Variants in MAP2K3 observed in about 807,000 individuals in gnomAD.
MAP2K3 encodes mitogen-activated protein kinase kinase 3.
MAP2K3 carries 30 observed loss-of-function variants against 46.4 expected under a neutral mutation model. The ratio of observed to expected loss-of-function variants is 0.65; its 90% CI spans 0.48 to 0.88. The LOEUF (loss-of-function observed/expected upper bound fraction) is 0.88, where lower values mean the gene tolerates loss of function less well. Ranked by LOEUF, MAP2K3 falls within the 40% of genes least tolerant of loss-of-function variation. MAP2K3 has a pLI of 0.00. For synonymous variants in MAP2K3, 189 were observed against 176.3 expected (o/e 1.07, Z -0.57); for missense variants, 380 against 464.5 (o/e 0.82, Z 1.67).
rs539391256 is a variant in MAP2K3 at position 21,284,838 on chromosome 17, C to T, written c.-83C>T. 2.7e-4 allele frequency: 408 copies of T among 1,485,592 alleles called. 6 individuals carry two copies. The East Asian group carries it at 0.01, about 38-fold the overall frequency. The allele number at this position is 1,485,592 out of a possible 1,614,324, so 92.0% of individuals were successfully genotyped here. A position where few individuals can be genotyped will look rare whatever the true frequency, so the allele number is the denominator to read the frequency against. On this transcript the variant is annotated 5_prime_UTR_variant, in exon 1 of 12. Coordinates refer to ENST00000342679, the MANE Select transcript of MAP2K3 (RefSeq NM_145109.3). ...CTCCGCCTGGCCTGGGCCGTCTGCC[C>T]GCAGCCATGAGCGTGCTCGGCCCCG...
intron 9 of MAP2K3, 191 bp from the exon 10 acceptor site, chr17:21,311,951 G>A (rs62055360): frequency 1.5e-5 from 8 of 522,438 alleles, no homozygotes; most frequent in Admixed American, 4.3e-5. Flanking sequence ...TGGCTGGGTC[G>A]GAGGAGCTAA....
At chr17:21,303,062 A>T in intron 6 of MAP2K3, 121 bp from the exon 7 acceptor site, 1 of 1,325,392 alleles carries the variant, frequency 7.5e-7, no homozygotes. Flanking sequence ...GAGGGTGCGT[A>T]GCCTGTGCAG....
intron 4 of MAP2K3, 56 bp from the exon 5 acceptor site, chr17:21,300,818 A>C: frequency 6.2e-7 from 1 of 1,613,236 alleles, no homozygotes; most frequent in South Asian, 1.1e-5. Context: ...TCCTGTCATG[A>C]GTGTGGGTGT....
At chr17:21,298,729 C>G in intron 2 of MAP2K3, 149 bp from the exon 3 acceptor site, 1 of 1,231,322 alleles carries the variant, frequency 8.1e-7, no homozygotes, top group Non-Finnish European at 1.2e-6. Flanking sequence ...AGATGCTCAG[C>G]AGCCAGTGAG....
rs1018871443 is a variant in MAP2K3 at position 21,295,548 on chromosome 17, G to A, written c.50-2865G>A. 2.2e-5 allele frequency: 27 copies of A among 1,234,048 alleles called. No homozygotes were observed. In the East Asian group the frequency reaches 4.6e-4, roughly 21 times the overall value. 76.4% of individuals were successfully genotyped at this position (1,234,048 alleles called of 1,614,324 possible). Reference sequence around the variant, plus strand: ...CTGGCCATCTGGGCCCAGCTCTGACGTCTGCAGCAGCCTGAGGCCTGTTTC... The same window carrying A: ...CTGGCCATCTGGGCCCAGCTCTGACATCTGCAGCAGCCTGAGGCCTGTTTC... On this transcript the variant is annotated intron_variant, in intron 1 of 11. Coordinates refer to ENST00000342679, the MANE Select transcript of MAP2K3 (RefSeq NM_145109.3).
intron 9 of MAP2K3, among the ~76,000 whole-genome samples, chr17:21,306,380 C>CG (rs2066485911): frequency 6.6e-6 from 1 of 152,174 alleles, no homozygotes; most frequent in South Asian, 2.1e-4. Context: ...AAGAGACTCA[C>CG]GGGGGAGGGG....
intron 5 of MAP2K3, 43 bp from the exon 6 acceptor site, chr17:21,302,100 G>T (rs769993339): frequency 1.2e-6 from 2 of 1,604,388 alleles, no homozygotes; most frequent in Admixed American, 3.3e-5. Flanking sequence ...GTGCAGACAC[G>T]GGCAGCCCGG....
At chr17:21,312,721 C>T (rs1597507399) in intron 10 of MAP2K3, among the ~76,000 whole-genome samples, 1 of 151,938 alleles carries the variant, frequency 6.6e-6, no homozygotes, top group African/African-American at 2.4e-5. Context: ...TTGAGACCAG[C>T]CTGACCAACA....
intron 1 of MAP2K3, among the ~76,000 whole-genome samples, chr17:21,297,486 G>C (rs1004825378): frequency 6.6e-6 from 1 of 152,308 alleles, no homozygotes; most frequent in African/African-American, 2.4e-5. Context: ...GTCACTCCCA[G>C]CCCTGCTGCC....
intron 2 of MAP2K3, 75 bp from the exon 3 acceptor site, chr17:21,298,803 A>C: frequency 6.2e-7 from 1 of 1,608,718 alleles, no homozygotes; most frequent in East Asian, 2.2e-5. Context: ...CAGGCCCCAC[A>C]CTGGCCCATC....
intron 1 of MAP2K3, among the ~76,000 whole-genome samples, chr17:21,291,237 C>T (rs890804140): frequency 1.5e-5 from 2 of 136,402 alleles, no homozygotes; most frequent in African/African-American, 2.9e-5. Context: ...GAGAGAGAAT[C>T]GTCTCAAAAA....
intron 5 of MAP2K3, 121 bp from the exon 6 acceptor site, chr17:21,302,022 G>A (rs1976629639): frequency 2.1e-6 from 2 of 959,416 alleles, no homozygotes; most frequent in African/African-American, 3.2e-5. Flanking sequence ...AACTGTGGCT[G>A]AGTGGGTGGG....
intron 7 of MAP2K3, among the ~76,000 whole-genome samples, chr17:21,303,955 G>C (rs577796707): frequency 6.6e-6 from 1 of 152,428 alleles, no homozygotes; most frequent in East Asian, 1.9e-4. Flanking sequence ...AGTGTCCTAT[G>C]CGCATTTGTA....
chr17:21,298,776 G>T, intron 2 of MAP2K3, 102 bp from the exon 3 acceptor site: 1 of 1,557,610 alleles, frequency 6.4e-7, no homozygotes, highest in Non-Finnish European at 8.8e-7. Context: ...GGGGCAGGAG[G>T]CACCTCGTCC....
intron 1 of MAP2K3, among the ~76,000 whole-genome samples, chr17:21,294,828 C>T (rs1215464389): frequency 5.9e-5 from 9 of 152,428 alleles, no homozygotes; most frequent in South Asian, 2.1e-4. Context: ...CTGTAATCTC[C>T]ACTTTACATA....
intron 1 of MAP2K3, 50 bp downstream of exon 1, chr17:21,285,019 G>A (rs1215140695): frequency 6.3e-7 from 1 of 1,581,226 alleles, no homozygotes; most frequent in South Asian, 1.1e-5. Flanking sequence ...CTAATCTGGG[G>A]CCGGGCTGCA....
intron 1 of MAP2K3, chr17:21,295,789 G>A (rs1328885870): frequency 3.1e-6 from 4 of 1,289,122 alleles, no homozygotes; most frequent in African/African-American, 3.1e-5. Context: ...CTGAGGCTTG[G>A]TGAAGGGGGG....
intron 10 of MAP2K3, among the ~76,000 whole-genome samples, chr17:21,312,771 C>T (rs77199762): frequency 2.6e-5 from 4 of 152,108 alleles, no homozygotes; most frequent in East Asian, 3.9e-4. Flanking sequence ...GAAAATTAGC[C>T]GGGCGTGGTG....
intron 5 of MAP2K3, among the ~76,000 whole-genome samples, chr17:21,301,442 G>A (rs1475002471): frequency 1.3e-5 from 2 of 152,430 alleles, no homozygotes; most frequent in East Asian, 3.8e-4. Flanking sequence ...GAGTGGAGCT[G>A]CCTTCCGCCA....
Sources: gnomAD v4.1 joint callset for allele counts (sites outside exome capture counted in the v4.1 genomes callset) on GRCh38, gnomAD v4.1.1 for gene constraint, MANE v1.5 for transcripts, NCBI Gene and HGNC (gene_info 2026-07-23, HGNC 2026-07-21) for gene names.